The following KLHL8 variants were observed in gnomAD, a reference collection of about 807,000 sequenced individuals.
KLHL8 encodes kelch-like protein 8.
In KLHL8, 38 loss-of-function variants were observed where a neutral mutation model predicts 63.5. The observed-to-expected ratio is 0.60, with a 90% CI of 0.46 to 0.78. The LOEUF (loss-of-function observed/expected upper bound fraction) is 0.78. Ranked by LOEUF, KLHL8 falls within the 30% of genes least tolerant of loss-of-function variation. KLHL8 has a pLI of 0.00. For synonymous variants in KLHL8, 224 were observed against 254.3 expected, an observed-to-expected ratio of 0.88 and a Z score of 1.13; for missense variants, 566 against 752.4, an observed-to-expected ratio of 0.75 and a Z score of 2.90.
intron 1 of KLHL8, among the ~76,000 whole-genome samples, chr4:87,225,749 A>G (rs547995441): frequency 6.6e-6 from 1 of 152,348 alleles, no homozygotes; most frequent in African/African-American, 2.4e-5. Context: ...TAAAACAGAA[A>G]GCATCATCCT....
intron 1 of KLHL8, among the ~76,000 whole-genome samples, chr4:87,229,420 T>C (rs1733094936): frequency 1.3e-5 from 1 of 76,542 alleles, no homozygotes. Context: ...ATCTTTTTCC[T>C]TTTTTTTTTT....
At chr4:87,173,670 C>T (rs143927002) in intron 6 of KLHL8, among the ~76,000 whole-genome samples, 4 of 152,198 alleles carry the variant, frequency 2.6e-5, no homozygotes, top group Admixed American at 6.5e-5. Flanking sequence ...TGTAAATGCT[C>T]GGGGCATATT....
intron 1 of KLHL8, among the ~76,000 whole-genome samples, chr4:87,227,500 A>C (rs1230668761): frequency 6.6e-6 from 1 of 152,164 alleles, no homozygotes; most frequent in African/African-American, 2.4e-5. Context: ...AAAGAAAAAA[A>C]TTAGCCAGTG....
intron 1 of KLHL8, among the ~76,000 whole-genome samples, chr4:87,233,465 C>A (rs1051996026): frequency 2.6e-5 from 4 of 152,084 alleles, no homozygotes; most frequent in Middle Eastern, 3.4e-3. Context: ...TCCAGCTACT[C>A]GGGAGGCTGA....
In KLHL8 at chr4:87,204,433, T is replaced by C. The variant is rs183913101; in HGVS notation, c.-151-8743A>G. 2.3e-4 allele frequency among the ~76,000 whole-genome samples: 35 copies of C among 152,162 alleles called. No individual in the cohort carries two copies. In the East Asian group the frequency reaches 5.4e-3, roughly 23 times the overall value. ...TCTTACACAGTTAAACATATTCTTATACTATGACCCAGCAATCTGACTCCT... is the reference window on the plus strand; with the variant it reads ...TCTTACACAGTTAAACATATTCTTACACTATGACCCAGCAATCTGACTCCT... On this transcript the variant is annotated intron_variant, in intron 1 of 9. Transcript: ENST00000273963.
intron 1 of KLHL8, among the ~76,000 whole-genome samples, chr4:87,210,702 A>C (rs888825893): frequency 2.6e-5 from 4 of 152,126 alleles, no homozygotes; most frequent in Non-Finnish European, 5.9e-5. Flanking sequence ...CAAAACCTGA[A>C]TGTGTTTAAT....
intron 6 of KLHL8, among the ~76,000 whole-genome samples, chr4:87,171,502 C>T (rs1206322045): frequency 1.3e-5 from 2 of 152,194 alleles, no homozygotes; most frequent in East Asian, 1.9e-4. Context: ...TCAAGCTCCT[C>T]AACCTCTTTT....
intron 4 of KLHL8, among the ~76,000 whole-genome samples, chr4:87,181,969 C>T (rs1409755650): frequency 6.6e-6 from 1 of 152,102 alleles, no homozygotes; most frequent in Non-Finnish European, 1.5e-5. Context: ...TGACTCACGC[C>T]TGTAATCCCA....
intron 8 of KLHL8, among the ~76,000 whole-genome samples, chr4:87,165,726 T>G (rs180938160): frequency 1.3e-5 from 2 of 152,246 alleles, no homozygotes; most frequent in South Asian, 2.1e-4. Context: ...TTCCATAGTC[T>G]TCTTTTTCAC....
intron 1 of KLHL8, among the ~76,000 whole-genome samples, chr4:87,233,466 G>A (rs762033700): frequency 6.6e-5 from 10 of 151,994 alleles, no homozygotes; most frequent in Non-Finnish European, 1.2e-4. Context: ...CCAGCTACTC[G>A]GGAGGCTGAG....
At position 87,182,228 on chromosome 4, in the gene KLHL8, CAAAAAAAAAAAA is replaced by C. The variant is rs34458758; in HGVS notation, c.952+963_952+974del. 2.2e-4 allele frequency among the ~76,000 whole-genome samples: 15 copies of C among 67,740 alleles called. No individual in the cohort carries two copies. In the South Asian group the frequency reaches 3.3e-3, roughly 15 times the overall value. The allele number at this position is 67,740 out of a possible 152,430, so 44.4% of individuals were successfully genotyped here. On this transcript the variant is annotated intron_variant, in intron 4 of 9. Transcript: ENST00000273963. The stretch of plus-strand genomic sequence containing the variant: ...AACCTGGGCGACAGAGACTCCGTCT[CAAAAAAAAAAAA>C]AAAAAAAAAAATTACTTACTTACAT...
At chr4:87,218,990 A>G (rs1732712253) in intron 1 of KLHL8, among the ~76,000 whole-genome samples, 1 of 151,754 alleles carries the variant, frequency 6.6e-6, no homozygotes, top group African/African-American at 2.4e-5. Context: ...CCCCGCCTCA[A>G]TCTCCCAAAG....
At chr4:87,206,241 T>C (rs1212855368) in intron 1 of KLHL8, among the ~76,000 whole-genome samples, 1 of 152,188 alleles carries the variant, frequency 6.6e-6, no homozygotes. Context: ...TTGTAGTGAC[T>C]TCCCCTAACC....
chr4:87,203,004 C>A (rs1369103857), intron 1 of KLHL8, among the ~76,000 whole-genome samples: 4 of 151,844 alleles, frequency 2.6e-5, no homozygotes, highest in Admixed American at 2.6e-4. Flanking sequence ...CTTCAATATT[C>A]AAAAAAATAT....
intron 2 of KLHL8, among the ~76,000 whole-genome samples, chr4:87,192,710 T>C (rs1731541461): frequency 1.3e-5 from 2 of 151,638 alleles, no homozygotes; most frequent in Admixed American, 1.3e-4. Context: ...TATCACAGAA[T>C]GTACTTACAC....
At chr4:87,204,842 A>C (rs1257092409) in intron 1 of KLHL8, among the ~76,000 whole-genome samples, 1 of 152,204 alleles carries the variant, frequency 6.6e-6, no homozygotes, top group Non-Finnish European at 1.5e-5. Context: ...GAGACGGCAA[A>C]AAGAGAGTTT....
At chr4:87,225,889 A>G (rs1251358322) in intron 1 of KLHL8, among the ~76,000 whole-genome samples, 2 of 151,864 alleles carry the variant, frequency 1.3e-5, no homozygotes, top group Non-Finnish European at 2.9e-5. Context: ...TTTTATTTTT[A>G]TTACTCCATC....
At chr4:87,185,836 T>C in intron 2 of KLHL8, 37 bp from the exon 3 acceptor site, 1 of 1,493,272 alleles carries the variant, frequency 6.7e-7, no homozygotes, top group Non-Finnish European at 8.9e-7. Flanking sequence ...CTGTTTAATA[T>C]CAAAATCAGC....
At position 87,163,405 on chromosome 4, in the gene KLHL8, A is replaced by G. The variant is rs576394937; in HGVS notation, c.*114T>C. On this transcript the variant is annotated 3_prime_UTR_variant, in exon 10 of 10. Coordinates refer to ENST00000273963, the MANE Select transcript of KLHL8 (RefSeq NM_020803.5). ...ACTTAGTCACAATACAACAGTTAACATTTAAATAAGACTCTAGTTGCAGTA... is the reference window on the plus strand; with the variant it reads ...ACTTAGTCACAATACAACAGTTAACGTTTAAATAAGACTCTAGTTGCAGTA... 12 of 1,060,592 alleles carry G rather than the reference A, an allele frequency of 1.1e-5. No homozygotes were observed. The African/African-American group carries it at 1.4e-4, about 13-fold the overall frequency. 65.7% of individuals were successfully genotyped at this position (1,060,592 alleles called of 1,614,324 possible).
Sources: allele counts gnomAD v4.1 joint callset (sites outside exome capture counted in the v4.1 genomes callset), GRCh38; gene constraint gnomAD v4.1.1; transcripts MANE v1.5; gene names NCBI Gene and HGNC (gene_info 2026-07-23, HGNC 2026-07-21).